The following SYN3 variants were observed in gnomAD, a reference collection of about 807,000 sequenced individuals.
The protein encoded by SYN3 is synapsin III.
In SYN3, 35 loss-of-function variants were observed where a neutral mutation model predicts 65.8. The ratio of observed to expected loss-of-function variants is 0.53; its 90% CI spans 0.41 to 0.70. The LOEUF (loss-of-function observed/expected upper bound fraction) is 0.70. Among genes scored for constraint, SYN3 ranks in the 30% least tolerant of loss-of-function variants. The pLI is 0.00. For synonymous variants in SYN3, 270 were observed against 292.9 expected, an observed-to-expected ratio of 0.92 and a Z score of 0.80; for missense variants, 680 against 749.0, an observed-to-expected ratio of 0.91 and a Z score of 1.08.
intron 4 of SYN3, among the ~76,000 whole-genome samples, chr22:32,916,854 T>C (rs1272548708): frequency 6.6e-6 from 1 of 152,198 alleles, no homozygotes; most frequent in Non-Finnish European, 1.5e-5. Context: ...ACATTTTAAA[T>C]GAAGATAGAG....
chr22:32,718,029 T>G (rs1216315686), intron 6 of SYN3, among the ~76,000 whole-genome samples: 1 of 152,210 alleles, frequency 6.6e-6, no homozygotes, highest in Non-Finnish European at 1.5e-5. Flanking sequence ...GGCGACTAGC[T>G]TGTGTTGTTT....
chr22:33,024,790 T>C (rs888082996), intron 1 of SYN3, among the ~76,000 whole-genome samples: 3 of 152,186 alleles, frequency 2.0e-5, no homozygotes, highest in African/African-American at 7.2e-5. Flanking sequence ...TTACATAAGC[T>C]GCTTAGAAAG....
intron 6 of SYN3, among the ~76,000 whole-genome samples, chr22:32,615,121 C>G (rs1458513512): frequency 6.6e-6 from 1 of 152,190 alleles, no homozygotes; most frequent in East Asian, 1.9e-4. Context: ...TTGAAAGCTA[C>G]AGATGGGAGG....
intron 6 of SYN3, among the ~76,000 whole-genome samples, chr22:32,749,038 G>A (rs971978580): frequency 6.6e-6 from 1 of 152,002 alleles, no homozygotes; most frequent in Non-Finnish European, 1.5e-5. Flanking sequence ...AATCCACTTG[G>A]GTAGCTGTAA....
chr22:33,044,051 CAA>C (rs556885188), intron 1 of SYN3, among the ~76,000 whole-genome samples: 5 of 119,596 alleles, frequency 4.2e-5, no homozygotes, highest in East Asian at 2.3e-4. Flanking sequence ...GACTCTGTCT[CAA>C]AAAAAAAAAA....
At chr22:33,029,303 T>TA (rs2053707581) in intron 1 of SYN3, among the ~76,000 whole-genome samples, 2 of 152,132 alleles carry the variant, frequency 1.3e-5, no homozygotes, top group African/African-American at 4.8e-5. Flanking sequence ...GCCTACCAAG[T>TA]AGTCAAGACT....
At chr22:32,964,465 G>A (rs1193035359) in intron 3 of SYN3, among the ~76,000 whole-genome samples, 5 of 151,334 alleles carry the variant, frequency 3.3e-5, no homozygotes, top group Non-Finnish European at 7.4e-5. Context: ...CAGAGAGGCT[G>A]TCTGTGGTCC....
At chr22:32,835,712 C>G (rs999704438) in intron 6 of SYN3, among the ~76,000 whole-genome samples, 1 of 152,166 alleles carries the variant, frequency 6.6e-6, no homozygotes, top group African/African-American at 2.4e-5. Context: ...GCTGAGCTCC[C>G]TGTCTTCAAA....
chr22:32,912,721 TAA>T (rs11352907), intron 4 of SYN3, among the ~76,000 whole-genome samples: 3 of 146,150 alleles, frequency 2.1e-5, no homozygotes, highest in African/African-American at 2.5e-5. Flanking sequence ...ACCTTTTCTC[TAA>T]AAAAAAAAAG....
chr22:32,865,850 G>C (rs376894455), intron 5 of SYN3, among the ~76,000 whole-genome samples: 3 of 152,184 alleles, frequency 2.0e-5, no homozygotes, highest in East Asian at 1.9e-4. Context: ...GGAAGCATAG[G>C]GGGTGAAGGG....
At chr22:32,824,556 T>C (rs982947602) in intron 6 of SYN3, among the ~76,000 whole-genome samples, 6 of 152,072 alleles carry the variant, frequency 3.9e-5, no homozygotes, top group Non-Finnish European at 8.8e-5. Flanking sequence ...AGTGTATATA[T>C]GTATATATTT....
intron 1 of SYN3, among the ~76,000 whole-genome samples, chr22:33,056,843 G>A (rs1350288526): frequency 6.6e-6 from 1 of 152,196 alleles, no homozygotes; most frequent in African/African-American, 2.4e-5. Context: ...ACACAGCCTT[G>A]CCTCCAATGG....
intron 4 of SYN3, among the ~76,000 whole-genome samples, chr22:32,888,176 T>C (rs2049346341): frequency 1.3e-5 from 2 of 152,156 alleles, no homozygotes; most frequent in Admixed American, 1.3e-4. Context: ...CCTAGGGATG[T>C]TTTAGGAAAG....
intron 6 of SYN3, among the ~76,000 whole-genome samples, chr22:32,623,192 T>A (rs2059619747): frequency 2.0e-5 from 3 of 151,914 alleles, no homozygotes; most frequent in Admixed American, 2.0e-4. Flanking sequence ...TTGTCATAGT[T>A]TTTTTTTCAA....
intron 3 of SYN3, among the ~76,000 whole-genome samples, chr22:32,935,154 G>A (rs2050735453): frequency 6.6e-6 from 1 of 152,134 alleles, no homozygotes. Flanking sequence ...GGAATTGAAT[G>A]CAATTTCAGT....
At chr22:32,869,219 G>A in intron 4 of SYN3, 94 bp from the exon 5 acceptor site, 1 of 1,399,770 alleles carries the variant, frequency 7.1e-7, no homozygotes, top group East Asian at 2.4e-5. Flanking sequence ...GCACTGACTT[G>A]CAGGGCGGCA....
intron 6 of SYN3, chr22:32,858,276 C>A: frequency 8.0e-7 from 1 of 1,245,712 alleles, no homozygotes; most frequent in African/African-American, 1.5e-5. Flanking sequence ...AGGGGCAGGT[C>A]TGAGCAGATA....
At chr22:32,533,768 G>C (rs1041405633) in intron 10 of SYN3, 25 bp downstream of exon 10, 3 of 1,560,780 alleles carry the variant, frequency 1.9e-6, no homozygotes, top group African/African-American at 1.4e-5. Context: ...GACCAGCCAG[G>C]AGGACTCCCT....
At chr22:32,752,373 A>C (rs936281708) in intron 6 of SYN3, among the ~76,000 whole-genome samples, 1 of 151,970 alleles carries the variant, frequency 6.6e-6, no homozygotes, top group Non-Finnish European at 1.5e-5. Flanking sequence ...CACTACCAAA[A>C]TCTTGCTCAT....
Sources: gnomAD v4.1 joint callset for allele counts (sites outside exome capture counted in the v4.1 genomes callset) on GRCh38, gnomAD v4.1.1 for gene constraint, MANE v1.5 for transcripts, NCBI Gene and HGNC (gene_info 2026-07-23, HGNC 2026-07-21) for gene names.